Variants in SYT1 observed in about 807,000 individuals in gnomAD.
SYT1 encodes the protein synaptotagmin 1, also known as synaptotagmin-1.
Under a neutral mutation model 44.8 loss-of-function variants are expected in SYT1, and 8 were observed. That is an observed-to-expected ratio of 0.18 (90% CI 0.10 to 0.32). SYT1 has a LOEUF of 0.32. SYT1 is among the 10% of genes least tolerant of loss of function. The pLI, the probability that SYT1 is intolerant of heterozygous loss-of-function variation, is 1.00. For missense variants in SYT1, 286 were observed against 509.3 expected, an observed-to-expected ratio of 0.56 and a Z score of 4.22; for synonymous variants, 154 against 188.8, an observed-to-expected ratio of 0.82 and a Z score of 1.51.
chr12:79,143,293 T>C (rs180691108), intron 3 of SYT1, among the ~76,000 whole-genome samples: 2 of 152,346 alleles, frequency 1.3e-5, no homozygotes, highest in East Asian at 1.9e-4. Context: ...TACTGTTGTC[T>C]TTTGCAGCGT....
intron 3 of SYT1, among the ~76,000 whole-genome samples, chr12:79,079,205 A>C (rs1876863516): frequency 6.6e-6 from 1 of 152,190 alleles, no homozygotes; most frequent in Non-Finnish European, 1.5e-5. Flanking sequence ...CAAGTTGGCA[A>C]GAACATGAGA....
chr12:79,321,958 G>A (rs1040054634), intron 8 of SYT1, among the ~76,000 whole-genome samples: 2 of 152,178 alleles, frequency 1.3e-5, no homozygotes, highest in Non-Finnish European at 2.9e-5. Context: ...GTGCCCGGAC[G>A]AGAGGAGAGA....
intron 4 of SYT1, among the ~76,000 whole-genome samples, chr12:79,267,458 C>T (rs1184078620): frequency 6.6e-6 from 1 of 152,090 alleles, no homozygotes; most frequent in Non-Finnish European, 1.5e-5. Context: ...AATCCAAGAG[C>T]TGCCTATTGT....
At chr12:79,439,843 C>T (rs375140217) in intron 9 of SYT1, among the ~76,000 whole-genome samples, 8 of 151,848 alleles carry the variant, frequency 5.3e-5, no homozygotes, top group Admixed American at 3.9e-4. Flanking sequence ...CTTGTAAACA[C>T]TGTACTAAAT....
At chr12:79,409,052 A>C (rs1031044602) in intron 9 of SYT1, among the ~76,000 whole-genome samples, 2 of 152,056 alleles carry the variant, frequency 1.3e-5, no homozygotes, top group African/African-American at 4.8e-5. Flanking sequence ...CGTCTTAATA[A>C]AGCAAGCAGT....
intron 4 of SYT1, among the ~76,000 whole-genome samples, chr12:79,281,868 GAGGTC>G (rs1202063202): frequency 1.3e-5 from 2 of 152,058 alleles, no homozygotes; most frequent in Non-Finnish European, 2.9e-5. Flanking sequence ...TCCCATTCTG[GAGGTC>G]AGAAATCTGA....
chr12:79,287,463 A>T (rs1463220892), intron 5 of SYT1, among the ~76,000 whole-genome samples: 1 of 152,178 alleles, frequency 6.6e-6, no homozygotes, highest in Admixed American at 6.5e-5. Flanking sequence ...TAAACAACTT[A>T]TTGGGAGATT....
chr12:79,337,078 C>G (rs1044497451), intron 8 of SYT1, among the ~76,000 whole-genome samples: 2 of 150,858 alleles, frequency 1.3e-5, no homozygotes, highest in African/African-American at 2.5e-5. Flanking sequence ...TCCCCTCCCC[C>G]CAGTGTTGGG....
At chr12:79,082,399 C>A (rs1877094539) in intron 3 of SYT1, among the ~76,000 whole-genome samples, 1 of 152,000 alleles carries the variant, frequency 6.6e-6, no homozygotes. Flanking sequence ...AGTTCATTTA[C>A]CATAAATTTT....
chr12:79,293,380 TAA>T (rs1170032122), intron 6 of SYT1, among the ~76,000 whole-genome samples: 91 of 135,156 alleles, frequency 6.7e-4, no homozygotes, highest in Non-Finnish European at 1.0e-3. Flanking sequence ...TAAAATAAAA[TAA>T]AATAAAATAA....
chr12:79,014,733 A>G (rs1178336189), intron 2 of SYT1, among the ~76,000 whole-genome samples: 1 of 152,130 alleles, frequency 6.6e-6, no homozygotes, highest in Non-Finnish European at 1.5e-5. Context: ...AGGACTATAA[A>G]TCATGCTGCT....
chr12:79,289,564 G>A lies in SYT1; in HGVS notation c.352-2444G>A, dbSNP rs77667411. Among the ~76,000 whole-genome samples, 111 of 152,232 alleles carry A rather than the reference G, an allele frequency of 7.3e-4. No individual in the cohort carries two copies. In the East Asian group the frequency reaches 0.019, roughly 26 times the overall value. ...TCAGGTAAAAACCACTTAGGGAGAA[G>A]GAGATTTAATATATCAGCTATTTCA... On this transcript the variant is annotated intron_variant, in intron 5 of 10. Coordinates refer to ENST00000261205, the MANE Select transcript of SYT1 (RefSeq NM_005639.3).
intron 2 of SYT1, among the ~76,000 whole-genome samples, chr12:78,989,264 G>A (rs1331062195): frequency 2.0e-5 from 3 of 152,088 alleles, no homozygotes; most frequent in Non-Finnish European, 4.4e-5. Flanking sequence ...AGACTGGAAT[G>A]AAGATATCAA....
chr12:79,310,730 C>A (rs919525083), intron 8 of SYT1, among the ~76,000 whole-genome samples: 1 of 152,200 alleles, frequency 6.6e-6, no homozygotes, highest in African/African-American at 2.4e-5. Context: ...AGGTCCTTCA[C>A]GTCCCTCGTA....
intron 1 of SYT1, among the ~76,000 whole-genome samples, chr12:78,885,837 T>C (rs1443185502): frequency 2.0e-5 from 3 of 152,022 alleles, no homozygotes; most frequent in African/African-American, 7.2e-5. Context: ...GAATAAAATA[T>C]TCTTGCTAGA....
At chr12:78,939,620 A>C (rs550958704) in intron 1 of SYT1, among the ~76,000 whole-genome samples, 1 of 152,230 alleles carries the variant, frequency 6.6e-6, no homozygotes, top group Non-Finnish European at 1.5e-5. Flanking sequence ...TCTAGTTTAA[A>C]CTAACTTCCA....
intron 9 of SYT1, among the ~76,000 whole-genome samples, chr12:79,363,576 A>AT (rs1206688483): frequency 3.5e-4 from 53 of 151,426 alleles, no homozygotes; most frequent in African/African-American, 1.2e-3. Flanking sequence ...AAAAATTAAA[A>AT]AAAAAAAAAA....
At chr12:79,187,115 C>G (rs950830493) in intron 3 of SYT1, among the ~76,000 whole-genome samples, 10 of 151,960 alleles carry the variant, frequency 6.6e-5, no homozygotes, top group Non-Finnish European at 1.5e-4. Context: ...CTTCTACACC[C>G]CCTTACAGCA....
chr12:79,005,580 T>G (rs1871021466), intron 2 of SYT1, among the ~76,000 whole-genome samples: 1 of 151,980 alleles, frequency 6.6e-6, no homozygotes. Flanking sequence ...CCTTCAGAAG[T>G]GATTTTATTA....
Sources: gnomAD v4.1 joint callset for allele counts (sites outside exome capture counted in the v4.1 genomes callset) on GRCh38, gnomAD v4.1.1 for gene constraint, MANE v1.5 for transcripts, NCBI Gene and HGNC (gene_info 2026-07-23, HGNC 2026-07-21) for gene names.